Variants in SLC9D1 observed in about 807,000 individuals in gnomAD.
SLC9D1 encodes putative LAG1-interacting protein.
At chr13:113,512,587 G>A in the SLC9D1 span, among the ~76,000 whole-genome samples, 1 of 151,590 alleles carries the variant, frequency 6.6e-6, no homozygotes, top group Non-Finnish European at 1.5e-5. Context: ...GAACTGGAAG[G>A]GGGCCGGAGT....
At chr13:113,495,949 G>A in the SLC9D1 span, 1 of 1,613,852 alleles carries the variant, frequency 6.2e-7, no homozygotes. Context: ...GCCCTGCAGG[G>A]GGATTACAAA....
the SLC9D1 span, chr13:113,495,637 C>T: frequency 2.7e-4 from 428 of 1,584,788 alleles, 2 homozygotes; most frequent in East Asian, 4.9e-3. Flanking sequence ...CTTCCCTGGG[C>T]GGTGCAGGCT....
At chr13:113,501,814 G>A in the SLC9D1 span, 55 of 1,609,668 alleles carry the variant, frequency 3.4e-5, no homozygotes, top group Non-Finnish European at 4.4e-5. Flanking sequence ...CCATAGGATT[G>A]CCTACAATGT....
chr13:113,540,208 C>T, the SLC9D1 span, among the ~76,000 whole-genome samples: 6 of 152,196 alleles, frequency 3.9e-5, no homozygotes, highest in East Asian at 1.9e-4. Flanking sequence ...CGTGTGAGTG[C>T]GTGTGTCTTT....
the SLC9D1 span, chr13:113,510,162 A>C: frequency 7.4e-7 from 1 of 1,345,184 alleles, no homozygotes; most frequent in Non-Finnish European, 1.0e-6. Flanking sequence ...TGGATGCAGA[A>C]ATGCGTGAAG....
chr13:113,544,925 A>G, the SLC9D1 span, among the ~76,000 whole-genome samples: 2 of 152,216 alleles, frequency 1.3e-5, no homozygotes, highest in African/African-American at 4.8e-5. Flanking sequence ...GCCTTTGTGG[A>G]AGATGCCTGC....
At chr13:113,517,450 G>T in the SLC9D1 span, among the ~76,000 whole-genome samples, 3 of 152,162 alleles carry the variant, frequency 2.0e-5, no homozygotes, top group East Asian at 1.9e-4. Context: ...GGATGGTCTC[G>T]ATCTCCTGAC....
At chr13:113,528,215 G>A in the SLC9D1 span, 6 of 152,178 alleles carry the variant, frequency 3.9e-5, no homozygotes, top group African/African-American at 1.2e-4. Context: ...GCGACTTTTC[G>A]TTGTATCCTG....
the SLC9D1 span, among the ~76,000 whole-genome samples, chr13:113,522,895 G>T: frequency 1.3e-5 from 2 of 152,224 alleles, no homozygotes; most frequent in East Asian, 3.8e-4. Flanking sequence ...CTCCCAAAGT[G>T]CTGGGATTAC....
chr13:113,526,496 A>T, the SLC9D1 span, among the ~76,000 whole-genome samples: 1 of 151,696 alleles, frequency 6.6e-6, no homozygotes, highest in African/African-American at 2.4e-5. Flanking sequence ...AGGCGGGAGG[A>T]TTGCTTGAGT....
chr13:113,526,390 G>A, the SLC9D1 span, among the ~76,000 whole-genome samples: 3 of 152,148 alleles, frequency 2.0e-5, no homozygotes, highest in South Asian at 2.1e-4. Flanking sequence ...AGTAAGTTAA[G>A]GTTAATACTG....
chr13:113,524,910 C>T, the SLC9D1 span, among the ~76,000 whole-genome samples: 2 of 144,374 alleles, frequency 1.4e-5, no homozygotes, highest in African/African-American at 2.8e-5. Flanking sequence ...CAACTTAAGT[C>T]TGCATTTTAT....
At chr13:113,527,750 C>A in the SLC9D1 span, 1 of 147,582 alleles carries the variant, frequency 6.8e-6, no homozygotes, top group Non-Finnish European at 1.5e-5. Context: ...CATTTCCTCA[C>A]ATCCTTTTTC....
the SLC9D1 span, among the ~76,000 whole-genome samples, chr13:113,540,006 G>A: frequency 6.6e-6 from 1 of 152,192 alleles, no homozygotes; most frequent in Non-Finnish European, 1.5e-5. Flanking sequence ...TCCCTGAGGA[G>A]AACGGCCTCC....
the SLC9D1 span, among the ~76,000 whole-genome samples, chr13:113,537,596 C>T: frequency 3.3e-5 from 5 of 152,230 alleles, no homozygotes; most frequent in Non-Finnish European, 7.3e-5. Flanking sequence ...AACAGAAGTT[C>T]TTAATTTCAG....
At chr13:113,540,026 C>T in the SLC9D1 span, among the ~76,000 whole-genome samples, 3 of 152,184 alleles carry the variant, frequency 2.0e-5, no homozygotes, top group African/African-American at 4.8e-5. Context: ...CAGCTGCATC[C>T]GTGTTGCTGC....
At chr13:113,523,705 A>G in the SLC9D1 span, among the ~76,000 whole-genome samples, 2 of 152,072 alleles carry the variant, frequency 1.3e-5, no homozygotes, top group Non-Finnish European at 2.9e-5. Flanking sequence ...CTTATGGTTT[A>G]ACTTAGATTA....
chr13:113,498,528 G>A, the SLC9D1 span: 108 of 1,566,106 alleles, frequency 6.9e-5, 1 homozygote, highest in South Asian at 6.9e-4. Context: ...ATCAGTAAGC[G>A]TTCCAGAACA....
chr13:113,519,130 G>A, the SLC9D1 span, among the ~76,000 whole-genome samples: 4 of 148,142 alleles, frequency 2.7e-5, no homozygotes, highest in Non-Finnish European at 5.9e-5. Context: ...TGTAACCTCC[G>A]CCTCCTGGGT....
Sources: gnomAD v4.1 joint callset for allele counts (sites outside exome capture counted in the v4.1 genomes callset) on GRCh38, gnomAD v4.1.1 for gene constraint, MANE v1.5 for transcripts, NCBI Gene and HGNC (gene_info 2026-07-23, HGNC 2026-07-21) for gene names.